UNC79: variants seen among roughly 807,000 people sequenced by gnomAD.
UNC79 encodes the protein protein unc-79 homolog.
Under a neutral mutation model 283.1 loss-of-function variants are expected in UNC79, and 37 were observed. The observed-to-expected ratio is 0.13, with a 90% CI of 0.10 to 0.17. The LOEUF (loss-of-function observed/expected upper bound fraction) is 0.17. Among genes scored for constraint, UNC79 ranks in the 10% least tolerant of loss-of-function variants. UNC79 has a pLI of 1.00. For missense variants in UNC79, 2,272 were observed against 3,211.1 expected (o/e 0.71, Z 7.07); for synonymous variants, 1,107 against 1,200.2 (o/e 0.92, Z 1.61).
At chr14:93,689,490 T>TC (rs966902168) in intron 44 of UNC79, 3 of 143,510 alleles carry the variant, frequency 2.1e-5, no homozygotes, top group Admixed American at 6.8e-5. Context: ...GAAATTTCTT[T>TC]TTTTTTTTTT....
chr14:93,467,921 C>A, intron 2 of UNC79, 130 bp downstream of exon 2: 1 of 1,179,408 alleles, frequency 8.5e-7, no homozygotes, highest in Non-Finnish European at 1.1e-6. Context: ...TCAGAAGAGT[C>A]TGTGCTCAAG....
chr14:93,569,424 C>T (rs2063087768), intron 14 of UNC79, among the ~76,000 whole-genome samples: 1 of 151,938 alleles, frequency 6.6e-6, no homozygotes, highest in Admixed American at 6.6e-5. Flanking sequence ...GTGACAGAGC[C>T]AGACTCCATC....
intron 14 of UNC79, among the ~76,000 whole-genome samples, chr14:93,567,682 G>A (rs916956116): frequency 2.6e-5 from 4 of 152,198 alleles, no homozygotes; most frequent in Non-Finnish European, 4.4e-5. Flanking sequence ...CATTTAATTC[G>A]GCTGAAGTTT....
intron 1 of UNC79, among the ~76,000 whole-genome samples, chr14:93,436,928 A>T (rs188129790): frequency 1.3e-5 from 2 of 152,138 alleles, no homozygotes; most frequent in African/African-American, 4.8e-5. Context: ...TGTGAGTCTC[A>T]TTTGATATTT....
At chr14:93,511,257 T>A (rs921013105) in intron 7 of UNC79, among the ~76,000 whole-genome samples, 1 of 152,132 alleles carries the variant, frequency 6.6e-6, no homozygotes, top group African/African-American at 2.4e-5. Flanking sequence ...GACATGAGAT[T>A]TGAGTGAGGA....
At position 93,519,658 on chromosome 14, in the gene UNC79, GAATT is replaced by G. The variant is rs563074977; in HGVS notation, c.899-4314_899-4311del. 1.7e-4 allele frequency among the ~76,000 whole-genome samples: 25 copies of G among 150,470 alleles called. No homozygotes were observed. In the East Asian group the frequency reaches 2.5e-3, roughly 15 times the overall value. On this transcript the variant is annotated intron_variant, in intron 7 of 48. Coordinates refer to ENST00000555664, the Ensembl canonical transcript of UNC79. ...TTCTTTTTGATATCTTGCCTTTTTT[GAATT>G]AATTATTTTTAGTGTTATATTTTAT...
At chr14:93,622,052 C>T (rs751230498) in exon 30 of UNC79, 31 of 1,613,082 alleles carry the variant, frequency 1.9e-5, no homozygotes, top group Non-Finnish European at 2.3e-5. Flanking sequence ...GGATTTAGAT[C>T]TGATAGATCT....
chr14:93,634,736 C>T, intron 31 of UNC79, 99 bp downstream of exon 34: 1 of 1,174,144 alleles, frequency 8.5e-7, no homozygotes, highest in Non-Finnish European at 1.2e-6. Flanking sequence ...GATTTTCTCT[C>T]ATGTTCTTTG....
At position 93,530,677 on chromosome 14, in the gene UNC79, A is replaced by C. The variant is rs1209273321; in HGVS notation, c.1093+1351A>C. ...GTAATCCCAGCACTTTGGGAGGCCG[A>C]GGTGGGCGGATCACAAGGTCAGGAA... is the stretch of plus-strand genomic sequence containing the variant. On this transcript the variant is annotated intron_variant, in intron 10 of 48. Transcript: ENST00000555664. Among the ~76,000 whole-genome samples the C allele has an allele frequency of 2.0e-5, 3 of 152,250 alleles. No homozygotes were observed. In the East Asian group the frequency reaches 5.8e-4, roughly 29 times the overall value.
At chr14:93,673,263 C>T (rs1159288131) in intron 40 of UNC79, 88 bp from the exon 44 acceptor site, 11 of 1,117,578 alleles carry the variant, frequency 9.8e-6, no homozygotes, top group Middle Eastern at 4.2e-4. Flanking sequence ...ATTTCTGACC[C>T]GTGAATTTTT....
Position 93,688,881 on chromosome 14 carries a change from AG to A in UNC79, c.7085+43del. On this transcript the variant is annotated intron_variant, in intron 44 of 48. Coordinates refer to ENST00000555664, the Ensembl canonical transcript of UNC79. The surrounding 1 kb of genome is among the most constrained non-coding windows in gnomAD (Gnocchi z 4.0). ...TTCCGGGAATGAGGGTAAAGAAGGC[AG>A]GAGACACCCCTGAGTTTCCTCGGGC... 6.3e-7 allele frequency: 1 copy of A among 1,595,394 alleles called. No individual in the cohort carries two copies. Among genetic ancestry groups the A allele is most frequent in the South Asian group, 1.1e-5 (1 of 88,738 alleles).
chr14:93,632,004 A>T (rs1297100331), intron 31 of UNC79, among the ~76,000 whole-genome samples: 2 of 152,250 alleles, frequency 1.3e-5, no homozygotes, highest in African/African-American at 4.8e-5. Context: ...TTACATCAAC[A>T]CATGCGTGAT....
At chr14:93,475,135 C>T (rs993990357) in intron 3 of UNC79, among the ~76,000 whole-genome samples, 1 of 152,060 alleles carries the variant, frequency 6.6e-6, no homozygotes, top group Non-Finnish European at 1.5e-5. Flanking sequence ...GGTTGCTTAC[C>T]AAATTCTCCT....
intron 1 of UNC79, chr14:93,437,658 G>C (rs2056138450): frequency 6.6e-6 from 1 of 152,352 alleles, no homozygotes; most frequent in South Asian, 2.1e-4. Context: ...GCGTTGGCAG[G>C]GCTGTGCTCT....
At chr14:93,422,528 C>T (rs1487954351) in intron 1 of UNC79, among the ~76,000 whole-genome samples, 1 of 152,124 alleles carries the variant, frequency 6.6e-6, no homozygotes. Context: ...ATTCCCATCA[C>T]GTTCTGAACC....
At chr14:93,471,834 A>G (rs2057525931) in intron 2 of UNC79, among the ~76,000 whole-genome samples, 1 of 152,090 alleles carries the variant, frequency 6.6e-6, no homozygotes, top group African/African-American at 2.4e-5. Context: ...CCCTCCCTGC[A>G]TGTATGAAGC....
At chr14:93,344,561 A>G (rs2139889196) in intron 1 of UNC79, among the ~76,000 whole-genome samples, 1 of 152,316 alleles carries the variant, frequency 6.6e-6, no homozygotes, top group South Asian at 2.1e-4. Flanking sequence ...AGGCAGGGAA[A>G]AAAAAACATG....
rs140718124 is a variant in UNC79 at position 93,670,357 on chromosome 14, T to G, written c.6637-2994T>G. 1.3e-3 allele frequency among the ~76,000 whole-genome samples: 202 copies of G among 152,352 alleles called. 1 individual carries two copies. In the South Asian group the frequency reaches 0.04, roughly 30 times the overall value. On this transcript the variant is annotated intron_variant, in intron 40 of 48. Coordinates refer to ENST00000555664, the Ensembl canonical transcript of UNC79. The stretch of plus-strand genomic sequence containing the variant: ...TCATTTGCCAATTGCAGGCTCTGGT[T>G]GTTTTACCCGTGCTTTTGTCTAATT...
intron 14 of UNC79, 57 bp from the exon 15 acceptor site, chr14:93,571,837 A>G (rs2063222926): frequency 1.3e-5 from 21 of 1,595,326 alleles, no homozygotes; most frequent in Non-Finnish European, 1.7e-5. Flanking sequence ...GTCCTTGAGT[A>G]TAATTGTAAC....
Sources: allele counts gnomAD v4.1 joint callset (sites outside exome capture counted in the v4.1 genomes callset), GRCh38; gene constraint gnomAD v4.1.1; non-coding constraint Gnocchi (gnomAD v3.1); transcripts MANE v1.5; gene names NCBI Gene and HGNC (gene_info 2026-07-23, HGNC 2026-07-21).